The following NBAS variants were observed in gnomAD, a reference collection of about 807,000 sequenced individuals.
NBAS encodes NBAS subunit of NRZ tethering complex.
NBAS carries 219 observed loss-of-function variants against 302.5 expected under a neutral mutation model. The ratio of observed to expected loss-of-function variants is 0.72; its 90% CI spans 0.65 to 0.81. The LOEUF is 0.81. NBAS is among the 30% of genes least tolerant of loss of function. The pLI is 0.00. For missense variants in NBAS, 2,932 were observed against 2,841.6 expected, an observed-to-expected ratio of 1.03 and a Z score of -0.72; for synonymous variants, 1,118 against 1,021.6, an observed-to-expected ratio of 1.09 and a Z score of -1.80.
intron 6 of NBAS, among the ~76,000 whole-genome samples, chr2:15,539,823 A>G (rs970578982): frequency 2.0e-5 from 3 of 151,948 alleles, no homozygotes; most frequent in African/African-American, 7.3e-5. Context: ...CTATGCTAAC[A>G]TTGTATTAGA....
At chr2:14,940,340 C>T in the NBAS span, among the ~76,000 whole-genome samples, 1 of 152,120 alleles carries the variant, frequency 6.6e-6, no homozygotes, top group African/African-American at 2.4e-5. Context: ...GTAGCACCTC[C>T]CCTCTCTTTT....
At chr2:15,169,533 C>T (rs943009598) in intron 51 of NBAS, among the ~76,000 whole-genome samples, 11 of 152,324 alleles carry the variant, frequency 7.2e-5, no homozygotes, top group Admixed American at 2.0e-4. Context: ...AGTCTTCAGA[C>T]ATCCCTTCAA....
At chr2:15,204,091 A>C (rs1196973028) in intron 48 of NBAS, among the ~76,000 whole-genome samples, 2 of 151,982 alleles carry the variant, frequency 1.3e-5, no homozygotes, top group African/African-American at 2.4e-5. Context: ...GTGAGACCCC[A>C]TCTCTACGAA....
rs553288094 is a variant in NBAS at position 15,492,712 on chromosome 2, C to T, written c.955-3690G>A. ...CTGACCTCAAGTGATCTGCCTGCCT[C>T]GGCCTCCCAAAGTGTTGAGATTACA... On this transcript the variant is annotated intron_variant, in intron 11 of 51. Transcript: ENST00000281513. Among the ~76,000 whole-genome samples the T allele has an allele frequency of 2.6e-5, 4 of 152,222 alleles. No individual in the cohort carries two copies. In the South Asian group the frequency reaches 8.3e-4, roughly 32 times the overall value.
chr2:15,253,371 G>T (rs1296337544), intron 44 of NBAS, among the ~76,000 whole-genome samples: 1 of 152,110 alleles, frequency 6.6e-6, no homozygotes, highest in African/African-American at 2.4e-5. Context: ...AAAAGCTCTT[G>T]GTGGTGCAAA....
the NBAS span, among the ~76,000 whole-genome samples, chr2:15,116,683 C>A: frequency 2.0e-5 from 3 of 152,298 alleles, no homozygotes; most frequent in South Asian, 6.2e-4. Context: ...CAGCACTGTA[C>A]GGTTTTCAAA....
intron 9 of NBAS, among the ~76,000 whole-genome samples, chr2:15,532,451 T>C (rs1663266186): frequency 7.4e-6 from 1 of 135,364 alleles, no homozygotes; most frequent in Non-Finnish European, 1.5e-5. Flanking sequence ...ATTGCGCCAC[T>C]GCACTCCAGC....
intron 21 of NBAS, among the ~76,000 whole-genome samples, chr2:15,441,476 A>C (rs905878740): frequency 2.6e-5 from 4 of 151,942 alleles, no homozygotes; most frequent in Non-Finnish European, 5.9e-5. Flanking sequence ...TGTCACCACC[A>C]GGCCTGCCCT....
intron 48 of NBAS, among the ~76,000 whole-genome samples, chr2:15,216,942 A>G (rs1187832148): frequency 6.6e-6 from 1 of 152,246 alleles, no homozygotes; most frequent in African/African-American, 2.4e-5. Flanking sequence ...ACATAACTGT[A>G]GTCACATCCA....
chr2:14,814,567 G>A, the NBAS span, among the ~76,000 whole-genome samples: 2 of 152,188 alleles, frequency 1.3e-5, no homozygotes, highest in Non-Finnish European at 2.9e-5. Context: ...TTTAGAACAG[G>A]AGCATTTACC....
intron 44 of NBAS, among the ~76,000 whole-genome samples, chr2:15,249,623 A>G (rs933816135): frequency 2.0e-5 from 3 of 152,246 alleles, no homozygotes; most frequent in Admixed American, 2.0e-4. Flanking sequence ...AAGTCTCAGG[A>G]TACAAATCAA....
chr2:14,877,589 A>T, the NBAS span, among the ~76,000 whole-genome samples: 1 of 152,168 alleles, frequency 6.6e-6, no homozygotes, highest in African/African-American at 2.4e-5. Flanking sequence ...ATCAGGAAGG[A>T]GTGGTATCTT....
chr2:15,079,809 G>A, the NBAS span, among the ~76,000 whole-genome samples: 1 of 152,140 alleles, frequency 6.6e-6, no homozygotes, highest in South Asian at 2.1e-4. Flanking sequence ...TTAAGGGCAG[G>A]ACTGTGTCTT....
At chr2:15,407,752 T>C (rs1676487408) in intron 25 of NBAS, among the ~76,000 whole-genome samples, 1 of 152,248 alleles carries the variant, frequency 6.6e-6, no homozygotes, top group African/African-American at 2.4e-5. Context: ...ATATTATTTT[T>C]CTATGCTGCC....
At chr2:15,356,692 A>G (rs1253919851) in intron 32 of NBAS, among the ~76,000 whole-genome samples, 1 of 152,208 alleles carries the variant, frequency 6.6e-6, no homozygotes, top group African/African-American at 2.4e-5. Flanking sequence ...AACCCTACAA[A>G]AAAGTCTTGG....
the NBAS span, among the ~76,000 whole-genome samples, chr2:14,815,337 C>T: frequency 6.6e-6 from 1 of 152,296 alleles, no homozygotes; most frequent in South Asian, 2.1e-4. Flanking sequence ...CTACCAAGAA[C>T]TGCTAGAGCC....
At chr2:14,954,810 C>G in the NBAS span, among the ~76,000 whole-genome samples, 7 of 152,262 alleles carry the variant, frequency 4.6e-5, no homozygotes, top group East Asian at 1.2e-3. Context: ...TCAGTTATCT[C>G]CACCTGGTCC....
the NBAS span, among the ~76,000 whole-genome samples, chr2:14,950,001 C>T: frequency 6.6e-6 from 1 of 152,078 alleles, no homozygotes; most frequent in African/African-American, 2.4e-5. Flanking sequence ...TAACTATAGT[C>T]TACAGTAATC....
At chr2:15,322,705 C>A (rs1477864082) in intron 38 of NBAS, among the ~76,000 whole-genome samples, 1 of 152,138 alleles carries the variant, frequency 6.6e-6, no homozygotes, top group Non-Finnish European at 1.5e-5. Context: ...TACTTCTAAA[C>A]CAAAGTCAAG....
Sources: allele counts gnomAD v4.1 joint callset (sites outside exome capture counted in the v4.1 genomes callset), GRCh38; gene constraint gnomAD v4.1.1; transcripts MANE v1.5; gene names NCBI Gene and HGNC (gene_info 2026-07-23, HGNC 2026-07-21).